The following FAM81A variants were observed in gnomAD, a reference collection of about 807,000 sequenced individuals.
FAM81A encodes family with sequence similarity 81 member A.
FAM81A carries 19 observed loss-of-function variants against 46.7 expected under a neutral mutation model. The observed-to-expected ratio is 0.41, with a 90% CI of 0.28 to 0.60. FAM81A has a LOEUF of 0.60. FAM81A is among the 20% of genes least tolerant of loss of function. The pLI is 0.34. For missense variants in FAM81A, 377 were observed against 453.5 expected, an observed-to-expected ratio of 0.83 and a Z score of 1.53; for synonymous variants, 183 against 152.9, an observed-to-expected ratio of 1.20 and a Z score of -1.45.
chr15:59,481,818 A>G (rs912198678), intron 3 of FAM81A, among the ~76,000 whole-genome samples: 9 of 151,762 alleles, frequency 5.9e-5, no homozygotes, highest in Non-Finnish European at 1.3e-4. Context: ...TGTATTGGGA[A>G]GGGCCAGCTG....
intron 3 of FAM81A, among the ~76,000 whole-genome samples, chr15:59,477,109 G>A (rs1325338427): frequency 6.7e-6 from 1 of 149,452 alleles, no homozygotes; most frequent in Non-Finnish European, 1.5e-5. Flanking sequence ...AACAGAGTGA[G>A]ACTCTGACTC....
chr15:59,421,377 G>A (rs1176083274), intron 2 of FAM81A, among the ~76,000 whole-genome samples: 1 of 152,124 alleles, frequency 6.6e-6, no homozygotes, highest in Non-Finnish European at 1.5e-5. Flanking sequence ...TTAAAGGCAG[G>A]ACAACCTGGG....
intron 6 of FAM81A, among the ~76,000 whole-genome samples, chr15:59,511,910 A>G (rs1161915459): frequency 6.6e-6 from 1 of 152,136 alleles, no homozygotes; most frequent in Non-Finnish European, 1.5e-5. Context: ...CGGCCTCCCA[A>G]AGTGCTGGGA....
At chr15:59,513,877 C>T (rs1177596927) in intron 6 of FAM81A, among the ~76,000 whole-genome samples, 1 of 152,142 alleles carries the variant, frequency 6.6e-6, no homozygotes, top group Non-Finnish European at 1.5e-5. Flanking sequence ...ACTTATATAG[C>T]ATGGAATACT....
At chr15:59,416,486 G>A (rs1211429707) in intron 2 of FAM81A, among the ~76,000 whole-genome samples, 1 of 152,184 alleles carries the variant, frequency 6.6e-6, no homozygotes, top group Non-Finnish European at 1.5e-5. Flanking sequence ...CTCTGGCAGA[G>A]AAGCCGTGAG....
At chr15:59,415,140 A>G (rs1286256554) in intron 2 of FAM81A, among the ~76,000 whole-genome samples, 2 of 124,304 alleles carry the variant, frequency 1.6e-5, no homozygotes, top group East Asian at 4.8e-4. Context: ...TCTTTTCGTG[A>G]TGAAATTTTG....
chr15:59,427,235 T>G (rs943513167), intron 2 of FAM81A, among the ~76,000 whole-genome samples: 11 of 152,084 alleles, frequency 7.2e-5, no homozygotes, highest in Non-Finnish European at 1.5e-4. Flanking sequence ...TTCAGCCTCC[T>G]GAGCAGCTGG....
intron 2 of FAM81A, chr15:59,408,968 C>T (rs2081108455): frequency 6.6e-6 from 1 of 151,840 alleles, no homozygotes; most frequent in South Asian, 2.1e-4. Flanking sequence ...AGATAAAACA[C>T]CTTGTTCTCT....
chr15:59,503,476 A>C (rs1266178033), intron 4 of FAM81A, among the ~76,000 whole-genome samples: 1 of 151,982 alleles, frequency 6.6e-6, no homozygotes, highest in Non-Finnish European at 1.5e-5. Flanking sequence ...TTTCCACATA[A>C]CATGTGGACA....
rs189638983 is a variant in FAM81A at position 59,446,136 on chromosome 15, C to T, written c.-78+7854C>T. Among the ~76,000 whole-genome samples the T allele has an allele frequency of 5.9e-5, 9 of 151,944 alleles. No homozygotes were observed. The East Asian group carries it at 1.2e-3, about 20-fold the overall frequency. On this transcript the variant is annotated intron_variant, in intron 1 of 8. Transcript: ENST00000288228. ...CGTGAAGAGGCGTCGTGTTAGGCTTCGTGGAGATTACAGGTTCATGTAGGA... is the reference window on the plus strand; with the variant it reads ...CGTGAAGAGGCGTCGTGTTAGGCTTTGTGGAGATTACAGGTTCATGTAGGA...
At position 59,508,933 on chromosome 15, in the gene FAM81A, G is replaced by A; in HGVS notation, c.614G>A (p.Arg205Lys). ...AGCACCAAACTGAAGATGTCTCACA[G>A]AGACAGTAACCACCAGCTTCAGCTT... ...EQSTKLKMSH[R>K]DSNHQLQLLD... Residue 205 changes from arginine to lysine, a missense_variant, in exon 6 of 9, where the codon AGA becomes AAA. Arg to Lys is a conservative substitution (Grantham distance 26). Transcript: ENST00000288228. The A allele has an allele frequency of 6.2e-7, 1 of 1,613,236 alleles. No individual in the cohort carries two copies. Among genetic ancestry groups the A allele is most frequent in the African/African-American group, 1.3e-5 (1 of 75,022 alleles).
rs570611858 is a variant in FAM81A at position 59,463,955 on chromosome 15, A to G, written c.294+3749A>G. 2.4e-4 allele frequency among the ~76,000 whole-genome samples: 37 copies of G among 152,150 alleles called. No homozygotes were observed. In the South Asian group the frequency reaches 3.1e-3, roughly 13 times the overall value. Reference sequence around the variant, plus strand: ...ATTTTGTGTCGTTTAACAAGTTGCTATATCTCCTTCCCTTCCCCCTACCCA... The same window carrying G: ...ATTTTGTGTCGTTTAACAAGTTGCTGTATCTCCTTCCCTTCCCCCTACCCA... On this transcript the variant is annotated intron_variant, in intron 3 of 8. Coordinates refer to ENST00000288228, the MANE Select transcript of FAM81A (RefSeq NM_152450.3).
At chr15:59,421,729 G>GTCTGTCTGTCTATCTATCTA (rs199854304) in intron 2 of FAM81A, among the ~76,000 whole-genome samples, 9 of 128,870 alleles carry the variant, frequency 7.0e-5, no homozygotes, top group African/African-American at 1.3e-4. Context: ...CTGTCTGTCT[G>GTCTGTCTGTCTATCTATCTA]TCTATCTATC....
chr15:59,470,935 A>G (rs1268235443), intron 3 of FAM81A, among the ~76,000 whole-genome samples: 2 of 151,884 alleles, frequency 1.3e-5, no homozygotes, highest in Admixed American at 6.6e-5. Context: ...TGATTCTTCC[A>G]TCTCAGCCTC....
upstream of FAM81A, among the ~76,000 whole-genome samples, chr15:59,437,084 A>G (rs1356209765): frequency 6.6e-6 from 1 of 152,344 alleles, no homozygotes; most frequent in East Asian, 1.9e-4. Flanking sequence ...CTGGTGAGGA[A>G]ACAGTCGCAG....
chr15:59,420,151 A>C lies in FAM81A; in HGVS notation c.-78+17793A>C, dbSNP rs6494109. 2.0e-5 allele frequency among the ~76,000 whole-genome samples: 3 copies of C among 152,108 alleles called. No homozygotes were observed. In the South Asian group the frequency reaches 6.2e-4, roughly 32 times the overall value. Reference sequence around the variant, plus strand: ...GACTGCCATCTAAGAAGCAGGGCAAAAATGTTCCTGCTAGGAAATTACAAT... The same window carrying C: ...GACTGCCATCTAAGAAGCAGGGCAACAATGTTCCTGCTAGGAAATTACAAT... On this transcript the variant is annotated intron_variant, in intron 2 of 4. Transcript: ENST00000558348.
At chr15:59,483,749 C>A (rs1365391103) in intron 3 of FAM81A, among the ~76,000 whole-genome samples, 3 of 152,202 alleles carry the variant, frequency 2.0e-5, no homozygotes, top group African/African-American at 4.8e-5. Flanking sequence ...TGTTCCCAAT[C>A]CAGGTGCTAC....
At chr15:59,474,572 C>T (rs1205807581) in intron 3 of FAM81A, among the ~76,000 whole-genome samples, 1 of 152,204 alleles carries the variant, frequency 6.6e-6, no homozygotes, top group African/African-American at 2.4e-5. Context: ...TACCACGCCT[C>T]TTAATACCAC....
At chr15:59,446,886 T>C (rs1277930402) in intron 1 of FAM81A, among the ~76,000 whole-genome samples, 1 of 152,214 alleles carries the variant, frequency 6.6e-6, no homozygotes, top group Non-Finnish European at 1.5e-5. Context: ...TTCTTTTAAC[T>C]AAACCATAGT....
Sources: gnomAD v4.1 joint callset for allele counts (sites outside exome capture counted in the v4.1 genomes callset) on GRCh38, gnomAD v4.1.1 for gene constraint, MANE v1.5 for transcripts, NCBI Gene and HGNC (gene_info 2026-07-23, HGNC 2026-07-21) for gene names.